Variants in ATG4B observed in about 807,000 individuals in gnomAD.
ATG4B encodes autophagy related 4B cysteine peptidase.
Under a neutral mutation model 56.6 loss-of-function variants are expected in ATG4B, and 29 were observed. The ratio of observed to expected loss-of-function variants is 0.51; its 90% CI spans 0.38 to 0.70. ATG4B has a LOEUF of 0.70. Among genes scored for constraint, ATG4B ranks in the 30% least tolerant of loss-of-function variants. The pLI is 0.00. For missense variants in ATG4B, 461 were observed against 515.5 expected, an observed-to-expected ratio of 0.89 and a Z score of 1.02; for synonymous variants, 224 against 206.1, an observed-to-expected ratio of 1.09 and a Z score of -0.74.
chr2:241,651,635 C>T lies in ATG4B; in HGVS notation c.184+300C>T, dbSNP rs1042637075. Among the ~76,000 whole-genome samples, 7 of 152,178 alleles carry T rather than the reference C, an allele frequency of 4.6e-5. No homozygotes were observed. The highest frequency in any genetic ancestry group is 2.6e-4 in the Admixed American group (4 of 15,280). On this transcript the variant is annotated intron_variant, in intron 3 of 12. Coordinates refer to ENST00000404914, the MANE Select transcript of ATG4B (RefSeq NM_013325.5). This position sits in a 1 kb window ranked among gnomAD's most constrained non-coding sequence, Gnocchi z 4.1. The stretch of plus-strand genomic sequence containing the variant: ...ATGTAGGACAGAATGTCATAGAAAG[C>T]GGTGTGTGTCCGCCACGGGCACGCA...
intron 6 of ATG4B, among the ~76,000 whole-genome samples, chr2:241,657,805 T>C (rs2068454532): frequency 6.6e-6 from 1 of 152,240 alleles, no homozygotes; most frequent in Non-Finnish European, 1.5e-5. Context: ...AGCAGAGCCA[T>C]CTGCATAAAA....
intron 11 of ATG4B, 91 bp downstream of exon 11, chr2:241,670,873 C>T (rs1051467436): frequency 1.5e-6 from 2 of 1,314,860 alleles, no homozygotes; most frequent in African/African-American, 2.9e-5. Flanking sequence ...GCGTCCAGGT[C>T]TCAGGCAGCC....
chr2:241,637,814 C>T (rs2067716754), intron 1 of ATG4B, 90 bp downstream of exon 1: 3 of 1,406,342 alleles, frequency 2.1e-6, no homozygotes, highest in South Asian at 3.0e-5. Context: ...CGCGACTCGC[C>T]TCGGGGCACG....
At chr2:241,670,245 C>T (rs62190307) in intron 10 of ATG4B, among the ~76,000 whole-genome samples, 10 of 151,810 alleles carry the variant, frequency 6.6e-5, no homozygotes, top group African/African-American at 1.7e-4. Context: ...GACCCTTGGC[C>T]GGTCCCCTGT....
rs751998597 is a variant in ATG4B, at chr2:241,673,156, G to A, written c.*892G>A. On this transcript the variant is annotated 3_prime_UTR_variant, in exon 13 of 13. Coordinates refer to ENST00000404914, the MANE Select transcript of ATG4B (RefSeq NM_013325.5). Reference sequence around the variant, plus strand: ...CTGAGAATTGCCCTCCCATGCCGCTGAGGTGTTAGGTGGTTTAGGGCCAAA... The same window carrying A: ...CTGAGAATTGCCCTCCCATGCCGCTAAGGTGTTAGGTGGTTTAGGGCCAAA... The A allele has an allele frequency of 5.1e-6, 1 of 197,256 alleles. No homozygotes were observed. 12.2% of individuals were successfully genotyped at this position (197,256 alleles called of 1,614,324 possible). A position where few individuals can be genotyped will look rare whatever the true frequency, so the allele number is the denominator to read the frequency against.
In ATG4B at chr2:241,664,745, CTT is replaced by C. The variant is rs1379489192; in HGVS notation, c.539-1899_539-1898del. ...TCGGGAGGCTGAGGTGAGCAGATCACTTGAGGTCAGGAGTTCGAGACCAGCCC... is the reference window on the plus strand; with the variant it reads ...TCGGGAGGCTGAGGTGAGCAGATCACGAGGTCAGGAGTTCGAGACCAGCCC... On this transcript the variant is annotated intron_variant, in intron 7 of 12. Transcript: ENST00000404914. 7.2e-5 allele frequency among the ~76,000 whole-genome samples: 11 copies of C among 152,274 alleles called. No homozygotes were observed. The East Asian group carries it at 7.7e-4, about 11-fold the overall frequency.
Position 241,655,271 on chromosome 2 carries a change from C to T in ATG4B, c.386C>T (p.Ala129Val), listed in dbSNP as rs979939390. The part of the protein sequence containing the change: ...KDSYYSIHQI[A>V]QMGVGEGKSI... Reference sequence around the variant, plus strand: ...GCTAATGTGTATCTGTTCCCTGCAGCGCAAATGGGAGTTGGCGAAGGCAAG... The same window carrying T: ...GCTAATGTGTATCTGTTCCCTGCAGTGCAAATGGGAGTTGGCGAAGGCAAG... Residue 129 changes from alanine to valine, a missense_variant and splice_region_variant, in exon 6 of 13, where the codon GCG (alanine) becomes GTG (valine). By Grantham distance (64) the Ala-to-Val change is moderately conservative (BLOSUM62 0). Coordinates refer to ENST00000404914, the MANE Select transcript of ATG4B (RefSeq NM_013325.5). 5 of 1,610,322 alleles carry T rather than the reference C, an allele frequency of 3.1e-6. No individual in the cohort carries two copies. Among genetic ancestry groups the T allele is most frequent in the East Asian group, 2.2e-5 (1 of 44,730 alleles).
At chr2:241,656,941 G>A (rs1020312121) in intron 6 of ATG4B, among the ~76,000 whole-genome samples, 4 of 151,946 alleles carry the variant, frequency 2.6e-5, no homozygotes, top group Admixed American at 6.5e-5. Flanking sequence ...GATTACAGGC[G>A]TGAGCCACCG....
rs147409061 is a variant in ATG4B at position 241,671,314 on chromosome 2, G to A, written c.1017G>A (p.Leu339=). The A allele has an allele frequency of 7.3e-3, 11,694 of 1,612,480 alleles. 55 individuals carry two copies. Among genetic ancestry groups the A allele is most frequent in the Middle Eastern group, 0.011 (68 of 6,060 alleles). Residue 339 remains leucine (L), a splice_region_variant and synonymous_variant, in exon 12 of 13, where the codon CTG becomes CTA. Transcript: ENST00000404914. ...TAACGGCCATGTCTCACTAACAGCT[G>A]TCTCTGCTTGGAGGTGCCCTGCCCA... ...FNDWCQQVKK[L]SLLGGALPMF...
Position 241,668,137 on chromosome 2 carries a change from C to T in ATG4B, c.733-6C>T. 1.3e-6 allele frequency: 2 copies of T among 1,592,676 alleles called. No homozygotes were observed. The highest frequency in any genetic ancestry group is 1.7e-6 in the Non-Finnish European group (2 of 1,170,228). On this transcript the variant is annotated splice_region_variant and splice_polypyrimidine_tract_variant and intron_variant, in intron 8 of 12. Coordinates refer to ENST00000404914, the MANE Select transcript of ATG4B (RefSeq NM_013325.5). The surrounding 1 kb of genome is among the most constrained non-coding windows in gnomAD (Gnocchi z 4.2). Reference sequence around the variant, plus strand: ...GACCTGTGCTCAGTCCCCCGCCCCTCCACAGCACTGCTTCATGATGCCCCA... The same window carrying T: ...GACCTGTGCTCAGTCCCCCGCCCCTTCACAGCACTGCTTCATGATGCCCCA...
intron 1 of ATG4B, 92 bp from the exon 2 acceptor site, chr2:241,650,918 T>C (rs2068209714): frequency 9.3e-7 from 1 of 1,069,614 alleles, no homozygotes; most frequent in Non-Finnish European, 1.4e-6. Flanking sequence ...ACAGTTGTTC[T>C]CTTCAGCACA....
intron 10 of ATG4B, among the ~76,000 whole-genome samples, chr2:241,670,333 C>T (rs2125150012): frequency 6.6e-6 from 1 of 151,492 alleles, no homozygotes; most frequent in South Asian, 2.1e-4. Context: ...CGCCAAGCTT[C>T]CAGGGAGCTG....
chr2:241,668,433 CT>C lies in ATG4B; in HGVS notation c.812-106del. 6 of 1,492,928 alleles carry C rather than the reference CT, an allele frequency of 4.0e-6. No homozygotes were observed. Among genetic ancestry groups the C allele is most frequent in the Non-Finnish European group, 4.5e-6 (5 of 1,102,958 alleles). The allele number at this position is 1,492,928 out of a possible 1,614,324, so 92.5% of individuals were successfully genotyped here. On this transcript the variant is annotated intron_variant, in intron 9 of 12. Coordinates refer to ENST00000404914, the MANE Select transcript of ATG4B (RefSeq NM_013325.5). The surrounding 1 kb of genome is among the most constrained non-coding windows in gnomAD (Gnocchi z 4.2). ...CGGCTCCCTCCCCACCTCCTGCCCACTGCTTCTCAGTGTGATGTGGGTGCAG... is the reference window on the plus strand; with the variant it reads ...CGGCTCCCTCCCCACCTCCTGCCCACGCTTCTCAGTGTGATGTGGGTGCAG...
chr2:241,648,613 A>G (rs1285294229), intron 1 of ATG4B, among the ~76,000 whole-genome samples: 1 of 151,812 alleles, frequency 6.6e-6, no homozygotes, highest in African/African-American at 2.4e-5. Flanking sequence ...AAAAGAAAAA[A>G]AAACAGGAGC....
chr2:241,642,090 C>T (rs1051312320), intron 1 of ATG4B, among the ~76,000 whole-genome samples: 1 of 150,956 alleles, frequency 6.6e-6, no homozygotes, highest in African/African-American at 2.4e-5. Context: ...ACTATCAAAG[C>T]TTTCAGTTTG....
intron 1 of ATG4B, among the ~76,000 whole-genome samples, chr2:241,649,685 T>C (rs1039004269): frequency 2.6e-5 from 4 of 152,234 alleles, no homozygotes; most frequent in Admixed American, 1.3e-4. Context: ...TTCAGGAACA[T>C]TGTGGGACAT....
At chr2:241,667,906 A>C in intron 8 of ATG4B, 1 of 507,930 alleles carries the variant, frequency 2.0e-6, no homozygotes, top group Non-Finnish European at 3.5e-6. Flanking sequence ...GGCCTCCCCA[A>C]AGCCCACCTC....
chr2:241,659,276 G>A (rs1168020524), intron 7 of ATG4B, 89 bp downstream of exon 7: 3 of 1,213,774 alleles, frequency 2.5e-6, no homozygotes, highest in East Asian at 5.0e-5. Context: ...GGGAGCCTCG[G>A]CGAGTGTTGT....
chr2:241,659,082 T>C, intron 6 of ATG4B, 26 bp from the exon 7 acceptor site: 1 of 1,556,106 alleles, frequency 6.4e-7, no homozygotes, highest in Non-Finnish European at 8.8e-7. Flanking sequence ...TACAAAAGCT[T>C]ATGGTCATTC....
Sources: allele counts gnomAD v4.1 joint callset (sites outside exome capture counted in the v4.1 genomes callset), GRCh38; gene constraint gnomAD v4.1.1; non-coding constraint Gnocchi (gnomAD v3.1); transcripts MANE v1.5; gene names NCBI Gene and HGNC (gene_info 2026-07-23, HGNC 2026-07-21).